RBM19: variants seen among roughly 807,000 people sequenced by gnomAD.
RBM19 encodes RNA binding motif protein 19, also known as probable RNA-binding protein 19.
In RBM19, 94 loss-of-function variants were observed where a neutral mutation model predicts 116.8. The observed-to-expected ratio is 0.80, with a 90% CI of 0.68 to 0.95. RBM19 has a LOEUF of 0.95. Among genes scored for constraint, RBM19 ranks in the 40% least tolerant of loss-of-function variants. RBM19 has a pLI of 0.00. For synonymous variants in RBM19, 475 were observed against 494.1 expected (o/e 0.96, Z 0.51); for missense variants, 1,161 against 1,220.7 (o/e 0.95, Z 0.73).
intron 6 of RBM19, 35 bp downstream of exon 6, chr12:113,957,747 C>A (rs556719043): frequency 1.3e-6 from 2 of 1,536,786 alleles, no homozygotes; most frequent in East Asian, 4.5e-5. Context: ...GGAGAGCGCA[C>A]CTCCTCCCTC....
At chr12:113,858,537 A>G (rs1878103973) in intron 22 of RBM19, among the ~76,000 whole-genome samples, 1 of 152,188 alleles carries the variant, frequency 6.6e-6, no homozygotes, top group Non-Finnish European at 1.5e-5. Flanking sequence ...TCCCATCCCC[A>G]GTTTATGTCC....
At chr12:113,950,371 T>C (rs569749139) in intron 8 of RBM19, among the ~76,000 whole-genome samples, 8 of 152,254 alleles carry the variant, frequency 5.3e-5, no homozygotes, top group African/African-American at 1.9e-4. Flanking sequence ...CCCGGTGTCA[T>C]GGATGAAGAT....
At chr12:113,845,743 C>T (rs1390155450) in intron 22 of RBM19, among the ~76,000 whole-genome samples, 1 of 152,186 alleles carries the variant, frequency 6.6e-6, no homozygotes, top group African/African-American at 2.4e-5. Flanking sequence ...AGTTCAATGG[C>T]ACTGCACAGG....
chr12:113,829,650 A>C (rs533968501), intron 23 of RBM19, among the ~76,000 whole-genome samples: 160 of 152,298 alleles, frequency 1.1e-3, no homozygotes, highest in African/African-American at 3.6e-3. Context: ...ACGAGGTGGG[A>C]CCTGAGTGCT....
chr12:113,856,452 T>G (rs990508531), intron 22 of RBM19, among the ~76,000 whole-genome samples: 3 of 152,200 alleles, frequency 2.0e-5, no homozygotes, highest in Non-Finnish European at 4.4e-5. Context: ...CCAGCCCTGG[T>G]TGGACCCTCC....
At chr12:113,962,025 T>C (rs2087137210) in intron 2 of RBM19, among the ~76,000 whole-genome samples, 1 of 152,208 alleles carries the variant, frequency 6.6e-6, no homozygotes, top group Non-Finnish European at 1.5e-5. Flanking sequence ...ATGCACTGAA[T>C]CAGATGCTCT....
At position 113,942,325 on chromosome 12, in the gene RBM19, T is replaced by C. The variant is rs769931003; in HGVS notation, c.1736A>G (p.Gln579Arg). ...DNGVSLDSFS[Q>R]AAAERSKTVI... is the part of the protein sequence containing the mutation. Reference sequence around the variant, plus strand: ...GCTGGCGCCACCGAGAACACCCACCTGGCTGAAGGAATCCAGGCTGACCCC... The same window carrying C: ...GCTGGCGCCACCGAGAACACCCACCCGGCTGAAGGAATCCAGGCTGACCCC... The change falls in exon 14 of 24, where the codon CAG (glutamine) becomes CGG (arginine). Residue 579 changes from glutamine (Q) to arginine (R), a missense_variant and splice_region_variant. By Grantham distance (43) the Gln-to-Arg change is conservative. Coordinates refer to ENST00000261741, the MANE Select transcript of RBM19 (RefSeq NM_016196.4). The C allele has an allele frequency of 1.9e-6, 3 of 1,603,234 alleles. No homozygotes were observed. Among genetic ancestry groups the C allele is most frequent in the Non-Finnish European group, 1.7e-6 (2 of 1,179,300 alleles).
intron 21 of RBM19, among the ~76,000 whole-genome samples, chr12:113,885,553 A>G (rs1880456044): frequency 6.6e-6 from 1 of 152,244 alleles, no homozygotes; most frequent in Non-Finnish European, 1.5e-5. Context: ...ATAAGATAAC[A>G]TTGTCTCTAG....
In RBM19 at chr12:113,927,223, T is replaced by C. The variant is rs1869168271; in HGVS notation, c.2075A>G (p.Asp692Gly). Reference protein sequence around the residue: ...KDPAEPETVPDGETPEDENPT... With the variant: ...KDPAEPETVPGGETPEDENPT... ...ATTTTCATCTTCTGGGGTTTCGCCA[T>C]CAGGCACTGAACCCCCATCAAAACA... is the stretch of plus-strand genomic sequence containing the variant. Residue 692 changes from aspartate to glycine, a missense_variant, in exon 17 of 24, where the codon GAT (aspartate) becomes GGT (glycine). Coordinates refer to ENST00000261741, the MANE Select transcript of RBM19 (RefSeq NM_016196.4). 4.5e-6 allele frequency: 7 copies of C among 1,557,278 alleles called. No homozygotes were observed. The highest frequency in any genetic ancestry group is 6.1e-6 in the Non-Finnish European group (7 of 1,150,558).
intron 21 of RBM19, among the ~76,000 whole-genome samples, chr12:113,859,367 C>T (rs776891993): frequency 7.2e-5 from 11 of 152,162 alleles, no homozygotes; most frequent in Non-Finnish European, 1.3e-4. Context: ...GAGCACATGG[C>T]GACCCCAGGC....
Position 113,955,206 on chromosome 12 carries a change from CTCTG to C in RBM19, c.842_845del (p.Thr281ArgfsTer15). 18 of 1,613,936 alleles carry C rather than the reference CTCTG, an allele frequency of 1.1e-5. No homozygotes were observed. The highest frequency in any genetic ancestry group is 6.7e-5 in the African/African-American group (5 of 74,936). On this transcript the variant is annotated frameshift_variant and splice_region_variant, in exon 7 of 24. Transcript: ENST00000261741. LOFTEE classifies it high-confidence loss of function. ...TGGGTTCCTTCTGGTTTGCTGGTTT[CTCTG>C]TCTGAGTGATCACAAAAACAAACAG...
At chr12:113,871,061 A>C (rs1284167847) in intron 21 of RBM19, among the ~76,000 whole-genome samples, 3 of 150,976 alleles carry the variant, frequency 2.0e-5, no homozygotes, top group Admixed American at 1.3e-4. Context: ...AGGGGCCAGC[A>C]CAGAGACTCA....
At chr12:113,890,335 T>A (rs1880875360) in intron 21 of RBM19, among the ~76,000 whole-genome samples, 1 of 152,156 alleles carries the variant, frequency 6.6e-6, no homozygotes, top group African/African-American at 2.4e-5. Context: ...TGGCACCCCC[T>A]TTCCTCCCTG....
chr12:113,843,402 A>G (rs925247494), intron 23 of RBM19, among the ~76,000 whole-genome samples: 6 of 152,130 alleles, frequency 3.9e-5, no homozygotes, highest in African/African-American at 1.2e-4. Flanking sequence ...CCAGGCGACA[A>G]TGAGGTGGGG....
intron 2 of RBM19, among the ~76,000 whole-genome samples, chr12:113,960,727 C>A (rs1183581874): frequency 6.6e-6 from 1 of 152,120 alleles, no homozygotes; most frequent in Non-Finnish European, 1.5e-5. Context: ...GCAGTGGCTA[C>A]CACAGTTACC....
rs1468543936 is a variant in RBM19 at position 113,918,865 on chromosome 12, C to T, written c.2386-418G>A. Among the ~76,000 whole-genome samples, 6 of 152,138 alleles carry T rather than the reference C, an allele frequency of 3.9e-5. No individual in the cohort carries two copies. In the East Asian group the frequency reaches 1.2e-3, roughly 29 times the overall value. On this transcript the variant is annotated intron_variant, in intron 19 of 23. Transcript: ENST00000261741. ...CTAAAGCTAGGTTCTAACATTGGTC[C>T]CTCAAGGCAGAACTGGTGTATTAGC...
chr12:113,905,190 C>T (rs1448283877), intron 21 of RBM19, among the ~76,000 whole-genome samples: 1 of 152,186 alleles, frequency 6.6e-6, no homozygotes, highest in Non-Finnish European at 1.5e-5. Flanking sequence ...AAGAACAAAG[C>T]CACTGGATAT....
chr12:113,888,559 T>A (rs1880714880), intron 21 of RBM19, among the ~76,000 whole-genome samples: 1 of 152,166 alleles, frequency 6.6e-6, no homozygotes, highest in Non-Finnish European at 1.5e-5. Context: ...TTATGTACAT[T>A]CTCTTAAGAT....
Position 113,918,448 on chromosome 12 carries a change from C to T in RBM19, c.2386-1G>A. 1 of 1,614,146 alleles carries T rather than the reference C, an allele frequency of 6.2e-7. No individual in the cohort carries two copies. Among genetic ancestry groups the T allele is most frequent in the Non-Finnish European group, 8.5e-7 (1 of 1,179,984 alleles). ...GCTTGTGGCCGTCCACGACGTGACCCTAAGAGAGAAGACAACATGGCTCAT... is the reference window on the plus strand; with the variant it reads ...GCTTGTGGCCGTCCACGACGTGACCTTAAGAGAGAAGACAACATGGCTCAT... On this transcript the variant is annotated splice_acceptor_variant, in intron 19 of 23. Transcript: ENST00000261741. LOFTEE classifies it high-confidence loss of function.
Sources: gnomAD v4.1 joint callset for allele counts (sites outside exome capture counted in the v4.1 genomes callset) on GRCh38, gnomAD v4.1.1 for gene constraint, MANE v1.5 for transcripts, NCBI Gene and HGNC (gene_info 2026-07-23, HGNC 2026-07-21) for gene names.